The following PAAF1 variants were observed in gnomAD, a reference collection of about 807,000 sequenced individuals.
The protein encoded by PAAF1 is proteasomal ATPase-associated factor 1.
Under a neutral mutation model 52.8 loss-of-function variants are expected in PAAF1, and 46 were observed. The observed-to-expected ratio is 0.87, with a 90% confidence interval of 0.69 to 1.11. The LOEUF is 1.11. Ranked by LOEUF, PAAF1 falls within the 50% of genes most tolerant of loss-of-function variation. The pLI, the probability that PAAF1 is intolerant of heterozygous loss-of-function variation, is 0.00. For synonymous variants in PAAF1, 178 were observed against 172.8 expected (o/e 1.03, Z -0.24); for missense variants, 424 against 477.4 (o/e 0.89, Z 1.04).
chr11:73,922,004 T>A, intron 10 of PAAF1: 2 of 821,588 alleles, frequency 2.4e-6, no homozygotes, highest in South Asian at 2.6e-5. Flanking sequence ...TCCTGTCAGC[T>A]TCATTCTTAA....
At chr11:73,876,969 G>T (rs1022049179), upstream of PAAF1, 1 of 1,487,208 alleles carries the variant, frequency 6.7e-7, no homozygotes, top group South Asian at 1.3e-5. Flanking sequence ...GCTTCTCGGG[G>T]ACTCACTTCC....
chr11:73,923,735 CA>C (rs1950286914), intron 10 of PAAF1, among the ~76,000 whole-genome samples: 1 of 151,992 alleles, frequency 6.6e-6, no homozygotes, highest in Admixed American at 6.6e-5. Context: ...TTTATATTAA[CA>C]AAAAGAAATC....
rs1368985340 is a variant in PAAF1, at chr11:73,930,702, GCACCA to G, written c.*3342_*3346del. 1.3e-5 allele frequency: 2 copies of G among 150,922 alleles called. No individual in the cohort carries two copies. The highest frequency in any genetic ancestry group is 4.9e-5 in the African/African-American group (2 of 41,066). 9.3% of individuals were successfully genotyped at this position (150,922 alleles called of 1,614,324 possible). On this transcript the variant is annotated 3_prime_UTR_variant, in exon 12 of 12. Coordinates refer to ENST00000310571, the MANE Select transcript of PAAF1 (RefSeq NM_025155.3). ...GTGGAGGGTGTAGTGAGCTGAGATT[GCACCA>G]CTGCACTCCAGCTTGGGCAACAGAG...
At chr11:73,909,738 C>T in intron 7 of PAAF1, 145 bp downstream of exon 7, 1 of 738,824 alleles carries the variant, frequency 1.4e-6, no homozygotes, top group Admixed American at 2.9e-5. Flanking sequence ...TTACTCTGTA[C>T]CTACTATGTT....
chr11:73,895,221 C>G (rs569285315), intron 4 of PAAF1, among the ~76,000 whole-genome samples: 1 of 152,244 alleles, frequency 6.6e-6, no homozygotes, highest in South Asian at 2.1e-4. Flanking sequence ...TGGGATGATT[C>G]AAAAAATTTT....
chr11:73,885,823 C>T (rs1949044212), intron 2 of PAAF1, among the ~76,000 whole-genome samples: 2 of 135,904 alleles, frequency 1.5e-5, no homozygotes, highest in South Asian at 2.2e-4. Flanking sequence ...GCCTGGGCGA[C>T]AAGAGTGAAA....
intron 2 of PAAF1, chr11:73,880,299 T>G (rs1049265052): frequency 6.6e-6 from 1 of 151,874 alleles, no homozygotes; most frequent in African/African-American, 2.4e-5. Context: ...TACACAAATA[T>G]ATATATATAC....
chr11:73,889,435 AT>A (rs2135143156), intron 3 of PAAF1, among the ~76,000 whole-genome samples: 1 of 152,210 alleles, frequency 6.6e-6, no homozygotes, highest in South Asian at 2.1e-4. Context: ...TTCCCCTTGG[AT>A]TTTGTCTGTT....
chr11:73,886,490 A>G (rs1298063665), intron 2 of PAAF1, among the ~76,000 whole-genome samples: 4 of 152,038 alleles, frequency 2.6e-5, no homozygotes. Context: ...TCTGGCTAAC[A>G]TGGTGAAACC....
intron 1 of PAAF1, 134 bp from the exon 2 acceptor site, chr11:73,878,645 T>G: frequency 4.6e-6 from 3 of 653,920 alleles, no homozygotes; most frequent in Non-Finnish European, 8.2e-6. Context: ...CTATACTCGA[T>G]GAGAGGTTGG....
In PAAF1 at chr11:73,890,639, A is replaced by G. The variant is rs947119889; in HGVS notation, c.193-473A>G. On this transcript the variant is annotated intron_variant, in intron 3 of 11. Coordinates refer to ENST00000310571, the MANE Select transcript of PAAF1 (RefSeq NM_025155.3). ...ATGTCAGTAGTCTAACATTCTCTCT[A>G]AAAGTTCTTGTAGACAGCAAGTTTA... Among the ~76,000 whole-genome samples, 3 of 152,332 alleles carry G rather than the reference A, an allele frequency of 2.0e-5. No homozygotes were observed. In the South Asian group the frequency reaches 6.2e-4, roughly 32 times the overall value.
intron 10 of PAAF1, among the ~76,000 whole-genome samples, chr11:73,923,125 A>G (rs1950268344): frequency 6.6e-6 from 1 of 152,086 alleles, no homozygotes; most frequent in Admixed American, 6.6e-5. Flanking sequence ...GCATTTCTAT[A>G]TGTCTCTCTA....
At chr11:73,883,782 A>G (rs572746078) in intron 2 of PAAF1, among the ~76,000 whole-genome samples, 21 of 152,224 alleles carry the variant, frequency 1.4e-4, no homozygotes, top group African/African-American at 4.8e-4. Flanking sequence ...CGGCCTCCCA[A>G]AGTGCTGGGA....
intron 5 of PAAF1, among the ~76,000 whole-genome samples, chr11:73,899,640 C>T (rs1949541459): frequency 6.6e-6 from 1 of 152,040 alleles, no homozygotes; most frequent in African/African-American, 2.4e-5. Context: ...TCCAACTCCT[C>T]ACGTCAAGTG....
intron 6 of PAAF1, among the ~76,000 whole-genome samples, chr11:73,906,861 A>G (rs113072187): frequency 6.6e-6 from 1 of 152,332 alleles, no homozygotes; most frequent in Non-Finnish European, 1.5e-5. Context: ...GCTAAAGACC[A>G]CTAATTAGCT....
At chr11:73,895,599 G>A (rs951195240) in intron 4 of PAAF1, among the ~76,000 whole-genome samples, 2 of 152,152 alleles carry the variant, frequency 1.3e-5, no homozygotes, top group African/African-American at 4.8e-5. Flanking sequence ...ATGGAAAGTT[G>A]GATAATTAAA....
chr11:73,896,870 G>A (rs1180567622), intron 4 of PAAF1, among the ~76,000 whole-genome samples: 1 of 151,432 alleles, frequency 6.6e-6, no homozygotes, highest in African/African-American at 2.4e-5. Context: ...CCCAGTAGGC[G>A]CGGCCAGGCA....
At chr11:73,881,198 AAAG>A (rs1948897230) in intron 2 of PAAF1, among the ~76,000 whole-genome samples, 1 of 152,194 alleles carries the variant, frequency 6.6e-6, no homozygotes, top group South Asian at 2.1e-4. Context: ...TTAGGCTAAA[AAAG>A]CAATCTAAGA....
At chr11:73,923,574 C>T (rs561013813) in intron 10 of PAAF1, among the ~76,000 whole-genome samples, 11 of 152,156 alleles carry the variant, frequency 7.2e-5, no homozygotes, top group East Asian at 3.9e-4. Context: ...CTCACTCTGT[C>T]GCCCAGGCTG....
Sources: allele counts gnomAD v4.1 joint callset (sites outside exome capture counted in the v4.1 genomes callset), GRCh38; gene constraint gnomAD v4.1.1; transcripts MANE v1.5; gene names NCBI Gene and HGNC (gene_info 2026-07-23, HGNC 2026-07-21).